The following DAPK1 variants were observed in gnomAD, a reference collection of about 807,000 sequenced individuals.
DAPK1 encodes death associated protein kinase 1.
Under a neutral mutation model 144.9 loss-of-function variants are expected in DAPK1, and 56 were observed. That is an observed-to-expected ratio of 0.39 (90% CI 0.31 to 0.48). The LOEUF (loss-of-function observed/expected upper bound fraction) is 0.48. DAPK1 is among the 20% of genes least tolerant of loss of function. The pLI, the probability that DAPK1 is intolerant of heterozygous loss-of-function variation, is 0.95. For missense variants in DAPK1, 1,454 were observed against 1,875.4 expected, an observed-to-expected ratio of 0.78 and a Z score of 4.15; for synonymous variants, 690 against 749.0, an observed-to-expected ratio of 0.92 and a Z score of 1.29.
intron 2 of DAPK1, among the ~76,000 whole-genome samples, chr9:87,604,097 C>T (rs952685001): frequency 1.3e-5 from 2 of 152,196 alleles, no homozygotes; most frequent in African/African-American, 4.8e-5. Context: ...TTTACTGGCT[C>T]TGCTTCTGCA....
intron 15 of DAPK1, 112 bp downstream of exon 15, chr9:87,648,991 C>G (rs746295576): frequency 6.4e-6 from 6 of 935,864 alleles, no homozygotes; most frequent in African/African-American, 1.6e-5. Context: ...TTTCTGTCTT[C>G]CCCTACAGAG....
chr9:87,530,451 G>A (rs188235045), intron 2 of DAPK1, among the ~76,000 whole-genome samples: 2 of 152,306 alleles, frequency 1.3e-5, no homozygotes, highest in East Asian at 3.9e-4. Flanking sequence ...AACAACCTCA[G>A]TGTCTCCAAG....
At chr9:87,510,604 C>G (rs1182870123) in intron 2 of DAPK1, among the ~76,000 whole-genome samples, 1 of 152,158 alleles carries the variant, frequency 6.6e-6, no homozygotes, top group East Asian at 1.9e-4. Context: ...TATTGGCTTC[C>G]CCTGTGGACT....
chr9:87,532,732 C>G (rs1825738575), intron 2 of DAPK1, among the ~76,000 whole-genome samples: 1 of 152,132 alleles, frequency 6.6e-6, no homozygotes, highest in Non-Finnish European at 1.5e-5. Context: ...CCTCATGTCT[C>G]CTCTTCTCAC....
chr9:87,692,977 T>G (rs1323245840), intron 21 of DAPK1, among the ~76,000 whole-genome samples: 2 of 131,422 alleles, frequency 1.5e-5, no homozygotes, highest in African/African-American at 5.8e-5. Context: ...TTTTTTTTTT[T>G]TTTTTTTTTT....
intron 21 of DAPK1, among the ~76,000 whole-genome samples, chr9:87,689,245 A>T (rs1321378031): frequency 1.3e-5 from 2 of 152,082 alleles, no homozygotes; most frequent in Admixed American, 1.3e-4. Flanking sequence ...GGGTGGCTGT[A>T]GGTGTGCAGC....
chr9:87,670,984 A>G (rs903588661), intron 19 of DAPK1, among the ~76,000 whole-genome samples: 1 of 152,110 alleles, frequency 6.6e-6, no homozygotes, highest in Non-Finnish European at 1.5e-5. Context: ...ATGCAAACCC[A>G]CTGTTTGGAC....
intron 2 of DAPK1, among the ~76,000 whole-genome samples, chr9:87,574,494 C>G (rs1827470962): frequency 6.6e-6 from 1 of 152,320 alleles, no homozygotes; most frequent in South Asian, 2.1e-4. Flanking sequence ...ATCTCTTAAT[C>G]GTTCCTCCAA....
At chr9:87,696,932 G>A in intron 21 of DAPK1, 75 bp from the exon 22 acceptor site, 1 of 814,586 alleles carries the variant, frequency 1.2e-6, no homozygotes, top group Admixed American at 1.7e-5. Flanking sequence ...CGAATCCGTG[G>A]AACGCTAAGA....
At chr9:87,626,330 A>C (rs1205340792) in intron 3 of DAPK1, among the ~76,000 whole-genome samples, 1 of 152,152 alleles carries the variant, frequency 6.6e-6, no homozygotes, top group Non-Finnish European at 1.5e-5. Flanking sequence ...CAGGAGAATC[A>C]CTTGAACCCG....
chr9:87,499,303 T>A (rs2117967851), intron 2 of DAPK1, 164 bp downstream of exon 2: 1 of 655,424 alleles, frequency 1.5e-6, no homozygotes, highest in East Asian at 2.7e-5. Flanking sequence ...GTAAACCGCC[T>A]GATCCAAGGG....
At chr9:87,637,010 C>T (rs980783108) in intron 3 of DAPK1, among the ~76,000 whole-genome samples, 3 of 152,134 alleles carry the variant, frequency 2.0e-5, no homozygotes, top group Non-Finnish European at 4.4e-5. Flanking sequence ...GACCACTCCC[C>T]TCCACCCACT....
chr9:87,668,364 A>C, intron 18 of DAPK1: 1 of 530,286 alleles, frequency 1.9e-6, no homozygotes, highest in Admixed American at 3.4e-5. Context: ...GCTATTGGAC[A>C]GGAAGACACC....
At position 87,605,092 on chromosome 9, in the gene DAPK1, C is replaced by T. The variant is rs1240906077; in HGVS notation, c.201C>T (p.Ile67=). 2 of 1,614,170 alleles carry T rather than the reference C, an allele frequency of 1.2e-6. No individual in the cohort carries two copies. Among genetic ancestry groups the T allele is most frequent in the Non-Finnish European group, 8.5e-7 (1 of 1,180,042 alleles). Residue 67 remains isoleucine, a synonymous_variant, in exon 3 of 26, where the codon ATC becomes ATT. Coordinates refer to ENST00000408954, the MANE Select transcript of DAPK1 (RefSeq NM_004938.4). ...AGGACATCGAGCGGGAGGTCAGCAT[C>T]CTGAAGGAGATCCAGCACCCCAATG... The part of the protein sequence containing the change: ...SREDIEREVS[I]LKEIQHPNVI...
At chr9:87,543,731 TTGAG>T (rs1826135795) in intron 2 of DAPK1, among the ~76,000 whole-genome samples, 2 of 152,224 alleles carry the variant, frequency 1.3e-5, no homozygotes, top group African/African-American at 4.8e-5. Flanking sequence ...TTTGCTATGT[TTGAG>T]TGATCTCTTA....
chr9:87,607,253 G>A (rs893093017), intron 3 of DAPK1, among the ~76,000 whole-genome samples: 1 of 152,118 alleles, frequency 6.6e-6, no homozygotes, highest in South Asian at 2.1e-4. Context: ...ACAGAACTGG[G>A]ATCAAAATCC....
At chr9:87,698,815 C>G in intron 23 of DAPK1, 21 bp downstream of exon 23, 1 of 1,525,626 alleles carries the variant, frequency 6.6e-7, no homozygotes, top group Non-Finnish European at 9.1e-7. Flanking sequence ...GCCACTTAGT[C>G]TCCAGCTCAC....
At chr9:87,514,732 A>G (rs1033548532) in intron 2 of DAPK1, among the ~76,000 whole-genome samples, 2 of 152,228 alleles carry the variant, frequency 1.3e-5, no homozygotes, top group African/African-American at 4.8e-5. Flanking sequence ...AGTTGGAGAG[A>G]AAAAGCAATT....
At chr9:87,662,863 T>C (rs1026030358) in intron 18 of DAPK1, among the ~76,000 whole-genome samples, 4 of 152,006 alleles carry the variant, frequency 2.6e-5, no homozygotes, top group African/African-American at 7.3e-5. Context: ...TCTTAAATTA[T>C]TGAGATTTTT....
Sources: allele counts gnomAD v4.1 joint callset (sites outside exome capture counted in the v4.1 genomes callset), GRCh38; gene constraint gnomAD v4.1.1; transcripts MANE v1.5; gene names NCBI Gene and HGNC (gene_info 2026-07-23, HGNC 2026-07-21).